The following CUL1 variants were observed in gnomAD, a reference collection of about 807,000 sequenced individuals.
The protein encoded by CUL1 is cullin-1.
Under a neutral mutation model 118.0 loss-of-function variants are expected in CUL1, and 24 were observed. The observed-to-expected ratio is 0.20, with a 90% CI of 0.15 to 0.29. The LOEUF is 0.29. Among genes scored for constraint, CUL1 ranks in the 10% least tolerant of loss-of-function variants. CUL1 has a pLI of 1.00. For synonymous variants in CUL1, 332 were observed against 340.4 expected, an observed-to-expected ratio of 0.98 and a Z score of 0.27; for missense variants, 361 against 933.8, an observed-to-expected ratio of 0.39 and a Z score of 7.99.
upstream of CUL1, chr7:148,697,995 G>C (rs557318912): frequency 6.6e-6 from 1 of 152,340 alleles, no homozygotes; most frequent in South Asian, 2.1e-4. Context: ...AAAGACGAAG[G>C]ATAGAGTGAA....
At chr7:148,796,964 TCC>T (rs1317274873) in intron 17 of CUL1, among the ~76,000 whole-genome samples, 1 of 152,156 alleles carries the variant, frequency 6.6e-6, no homozygotes, top group African/African-American at 2.4e-5. Flanking sequence ...ACGACAGGAC[TCC>T]ACTGCCCGTG....
intron 9 of CUL1, among the ~76,000 whole-genome samples, chr7:148,769,335 A>G (rs749581444): frequency 2.0e-5 from 3 of 151,188 alleles, no homozygotes; most frequent in Non-Finnish European, 4.4e-5. Flanking sequence ...ACTCATTTCA[A>G]AATTACCCTT....
chr7:148,719,557 T>C (rs571303146), intron 1 of CUL1, among the ~76,000 whole-genome samples: 1 of 152,350 alleles, frequency 6.6e-6, no homozygotes, highest in Admixed American at 6.5e-5. Flanking sequence ...AAATACTGAA[T>C]GCACAGGTTC....
Position 148,730,150 on chromosome 7 carries a change from C to A in CUL1, c.28C>A (p.His10Asn), listed in dbSNP as rs761308648. ...GTCGTCAACCCGGAGCCAGAACCCC[C>A]ACGGCCTGAAGCAGATTGGCCTGGA... MSSTRSQNPHGLKQIGLDQI... is the reference protein window; with the variant it reads MSSTRSQNPNGLKQIGLDQI... Residue 10 changes from histidine (H) to asparagine (N), a missense_variant, in exon 2 of 22, where the codon CAC becomes AAC. By Grantham distance (68) the His-to-Asn change is moderately conservative. Around this residue, in one of 7 missense-constraint regions of CUL1, gnomAD observed 22 missense variants for 20.6 expected, o/e 1.07. Coordinates refer to ENST00000325222, the MANE Select transcript of CUL1 (RefSeq NM_003592.3). 3.1e-6 allele frequency: 5 copies of A among 1,614,086 alleles called. No homozygotes were observed. The South Asian group carries it at 3.3e-5, about 11-fold the overall frequency.
intron 1 of CUL1, among the ~76,000 whole-genome samples, chr7:148,713,811 C>T (rs529779347): frequency 2.0e-4 from 31 of 152,300 alleles, no homozygotes; most frequent in African/African-American, 6.0e-4. Flanking sequence ...GCAACCTCCA[C>T]CTTCTGGGTT....
chr7:148,786,999 T>TAAAAGA lies in CUL1; in HGVS notation c.1358_1359insAAAAGA (p.Phe453delinsLeuLysAsp). On this transcript the variant is annotated protein_altering_variant, in exon 13 of 22. Transcript: ENST00000325222. ...CGGTGGCTTTGCCAGATGGTTGTCT[T>TAAAAGA]CAAGTACATAGAAGACAAAGACGTA... The TAAAAGA allele has an allele frequency of 6.4e-7, 1 of 1,558,464 alleles. No individual in the cohort carries two copies.
intron 1 of CUL1, among the ~76,000 whole-genome samples, chr7:148,715,644 C>T (rs1032858701): frequency 6.6e-5 from 10 of 152,142 alleles, no homozygotes; most frequent in African/African-American, 2.4e-4. Flanking sequence ...TAAGTTCTTT[C>T]TTCACACTTT....
chr7:148,751,608 C>T (rs1302714570), intron 2 of CUL1, among the ~76,000 whole-genome samples: 2 of 150,072 alleles, frequency 1.3e-5, no homozygotes, highest in Non-Finnish European at 3.0e-5. Context: ...AACTTGTACT[C>T]AAGGAGACCT....
intron 3 of CUL1, 46 bp downstream of exon 3, chr7:148,754,196 A>C (rs765644517): frequency 2.1e-5 from 27 of 1,256,522 alleles, no homozygotes; most frequent in Non-Finnish European, 3.0e-5. Context: ...CAGGATATAA[A>C]AAAAGTGAAA....
chr7:148,763,204 G>A (rs1247589895), intron 7 of CUL1, among the ~76,000 whole-genome samples: 2 of 152,064 alleles, frequency 1.3e-5, no homozygotes, highest in South Asian at 2.1e-4. Flanking sequence ...CGGTTGAGGA[G>A]CAAGAATTTC....
Position 148,800,761 on chromosome 7 carries a change from A to G in CUL1, c.*179A>G, listed in dbSNP as rs1801360587. 4 of 562,038 alleles carry G rather than the reference A, an allele frequency of 7.1e-6. No homozygotes were observed. Among genetic ancestry groups the G allele is most frequent in the Admixed American group, 3.2e-5 (1 of 30,890 alleles). 34.8% of individuals were successfully genotyped at this position (562,038 alleles called of 1,614,324 possible). ...CATCGGAACTGCTCAGGATTGATACATTTCAAGTCTGTAAATACGGACACC... is the reference window on the plus strand; with the variant it reads ...CATCGGAACTGCTCAGGATTGATACGTTTCAAGTCTGTAAATACGGACACC... On this transcript the variant is annotated 3_prime_UTR_variant, in exon 22 of 22. Transcript: ENST00000325222. This position sits in a 1 kb window ranked among gnomAD's most constrained non-coding sequence, Gnocchi z 4.6.
At chr7:148,719,308 CAAAA>C (rs942998459) in intron 1 of CUL1, among the ~76,000 whole-genome samples, 5 of 137,534 alleles carry the variant, frequency 3.6e-5, no homozygotes, top group African/African-American at 1.4e-4. Context: ...GAGACTTCGT[CAAAA>C]AAAAAAAATA....
At chr7:148,716,022 T>C (rs1008505942) in intron 1 of CUL1, among the ~76,000 whole-genome samples, 1 of 152,200 alleles carries the variant, frequency 6.6e-6, no homozygotes, top group Non-Finnish European at 1.5e-5. Flanking sequence ...ACTGCCATGA[T>C]ATTTCGTACT....
chr7:148,794,466 T>A (rs750458354), intron 17 of CUL1, among the ~76,000 whole-genome samples: 30 of 152,216 alleles, frequency 2.0e-4, no homozygotes, highest in African/African-American at 2.7e-4. Flanking sequence ...CTGTCTGGAT[T>A]ACTGTTGTTT....
chr7:148,697,865 T>C (rs1402100925), upstream of CUL1: 1 of 152,234 alleles, frequency 6.6e-6, no homozygotes, highest in Non-Finnish European at 1.5e-5. Context: ...TAGTCAATTA[T>C]GACAGTTAAT....
intron 3 of CUL1, 64 bp from the exon 4 acceptor site, chr7:148,756,919 C>T (rs768828788): frequency 9.2e-5 from 107 of 1,158,472 alleles, no homozygotes; most frequent in Middle Eastern, 6.0e-4. Flanking sequence ...TGTTATTCAC[C>T]GTTATTTTTA....
intron 2 of CUL1, among the ~76,000 whole-genome samples, chr7:148,752,511 A>G (rs533530898): frequency 1.1e-3 from 164 of 152,128 alleles, no homozygotes; most frequent in African/African-American, 3.7e-3. Flanking sequence ...GCATTAGTAT[A>G]TATTTATTTT....
intron 2 of CUL1, among the ~76,000 whole-genome samples, chr7:148,745,118 C>T (rs1270624994): frequency 6.6e-6 from 1 of 152,038 alleles, no homozygotes; most frequent in Admixed American, 6.6e-5. Flanking sequence ...ACCCATGACT[C>T]GTCTTTATTT....
intron 1 of CUL1, among the ~76,000 whole-genome samples, chr7:148,721,230 C>T (rs989765518): frequency 1.3e-5 from 2 of 152,148 alleles, no homozygotes; most frequent in Non-Finnish European, 2.9e-5. Flanking sequence ...GCAGTGAACA[C>T]CCGCCAACCC....
Sources: allele counts gnomAD v4.1 joint callset (sites outside exome capture counted in the v4.1 genomes callset), GRCh38; gene constraint gnomAD v4.1.1; regional missense constraint gnomAD v4.1.1; non-coding constraint Gnocchi (gnomAD v3.1); transcripts MANE v1.5; gene names NCBI Gene and HGNC (gene_info 2026-07-23, HGNC 2026-07-21).